Variants in METTL15 observed in about 807,000 individuals in gnomAD.
METTL15 encodes methyltransferase 15, mitochondrial 12S rRNA N4-cytidine.
In METTL15, 34 loss-of-function variants were observed where a neutral mutation model predicts 38.3. The observed-to-expected ratio is 0.89, with a 90% confidence interval of 0.68 to 1.18. METTL15 has a LOEUF of 1.18. METTL15 is among the 50% of genes most tolerant of loss of function. METTL15 has a pLI of 0.00. For synonymous variants in METTL15, 162 were observed against 170.9 expected (o/e 0.95, Z 0.41); for missense variants, 438 against 498.4 (o/e 0.88, Z 1.15).
intron 5 of METTL15, among the ~76,000 whole-genome samples, chr11:28,368,394 C>A (rs1021002941): frequency 6.6e-6 from 1 of 151,762 alleles, no homozygotes; most frequent in Non-Finnish European, 1.5e-5. Context: ...AACAGACATA[C>A]GAAAAAAAGC....
chr11:28,350,539 A>C (rs936558697), intron 3 of METTL15, among the ~76,000 whole-genome samples: 12 of 152,166 alleles, frequency 7.9e-5, no homozygotes, highest in African/African-American at 2.9e-4. Context: ...TATAAACAAA[A>C]TTACTTTGGG....
intron 6 of METTL15, among the ~76,000 whole-genome samples, chr11:28,466,543 G>C (rs1225979394): frequency 6.6e-6 from 1 of 152,160 alleles, no homozygotes. Flanking sequence ...AGTTCTCACA[G>C]TTAAGAAAGG....
intron 6 of METTL15, among the ~76,000 whole-genome samples, chr11:28,466,276 CTG>C (rs1320073463): frequency 1.3e-5 from 2 of 152,196 alleles, no homozygotes; most frequent in African/African-American, 2.4e-5. Context: ...AATTGGAAGA[CTG>C]TTTTTAAAAG....
chr11:28,349,382 C>T (rs779817586), intron 3 of METTL15, among the ~76,000 whole-genome samples: 3 of 152,162 alleles, frequency 2.0e-5, no homozygotes, highest in African/African-American at 4.8e-5. Flanking sequence ...CTACCTTTTC[C>T]GGCCTCACAC....
intron 5 of METTL15, chr11:28,410,836 T>G (rs1442496419): frequency 6.6e-6 from 1 of 152,054 alleles, no homozygotes; most frequent in Non-Finnish European, 1.5e-5. Flanking sequence ...AAAATTGTCT[T>G]TATTTTCAGA....
chr11:28,454,353 A>G lies in METTL15; in HGVS notation c.*424+29989A>G, dbSNP rs1851149837. Among the ~76,000 whole-genome samples, 3 of 152,234 alleles carry G rather than the reference A, an allele frequency of 2.0e-5. No homozygotes were observed. In the South Asian group the frequency reaches 6.2e-4, roughly 31 times the overall value. On this transcript the variant is annotated intron_variant and NMD_transcript_variant, in intron 6 of 7. Transcript: ENST00000532947. ...CCCAACAACATCTCTGACTTATAGA[A>G]AACAATTGCAAAAGTAATTTTCAGC...
chr11:28,395,923 G>T (rs1467645761), intron 5 of METTL15, among the ~76,000 whole-genome samples: 2 of 152,250 alleles, frequency 1.3e-5, no homozygotes, highest in East Asian at 1.9e-4. Context: ...TCATCCCTGG[G>T]ATGCAAGGCT....
At chr11:28,392,835 G>A (rs1243153360) in intron 5 of METTL15, among the ~76,000 whole-genome samples, 4 of 152,012 alleles carry the variant, frequency 2.6e-5, no homozygotes, top group African/African-American at 9.7e-5. Flanking sequence ...ATTAAAAACT[G>A]GGGAAAGTCC....
chr11:28,531,887 A>G (rs1329175460), downstream of METTL15, among the ~76,000 whole-genome samples: 1 of 152,052 alleles, frequency 6.6e-6, no homozygotes, highest in East Asian at 1.9e-4. Flanking sequence ...AGAGCAATCT[A>G]AGTGGTTTTA....
chr11:28,280,665 T>C (rs1856019621), intron 4 of METTL15, among the ~76,000 whole-genome samples: 1 of 125,006 alleles, frequency 8.0e-6, no homozygotes, highest in African/African-American at 3.8e-5. Context: ...ATGTCTCTTA[T>C]GCTTTTTTTT....
At position 28,203,818 on chromosome 11, in the gene METTL15, A is replaced by G. The variant is rs1023078816; in HGVS notation, c.271-7244A>G. Among the ~76,000 whole-genome samples, 128 of 152,080 alleles carry G rather than the reference A, an allele frequency of 8.4e-4. 1 individual carries two copies. The highest frequency in any genetic ancestry group is 5.1e-4 in the Non-Finnish European group (35 of 68,002). On this transcript the variant is annotated intron_variant, in intron 3 of 6. Transcript: ENST00000407364. The stretch of plus-strand genomic sequence containing the variant: ...AGCTTGTTTTCTCATTTCAAATGTA[A>G]AGGAGAGTGATTAGCAAATAAAAAC...
At chr11:28,469,680 G>C (rs963505152) in intron 6 of METTL15, among the ~76,000 whole-genome samples, 2 of 152,030 alleles carry the variant, frequency 1.3e-5, no homozygotes, top group African/African-American at 2.4e-5. Flanking sequence ...TTGCAGAGCT[G>C]TTACAAGAAT....
intron 3 of METTL15, among the ~76,000 whole-genome samples, chr11:28,204,501 G>T (rs547781837): frequency 7.6e-6 from 1 of 131,242 alleles, no homozygotes; most frequent in African/African-American, 2.9e-5. Flanking sequence ...ATTCCCTCAC[G>T]GAGCATTTGT....
In METTL15 at chr11:28,296,813, A is replaced by G. The variant is rs769861552; in HGVS notation, c.660A>G (p.Ala220=). Residue 220 remains alanine (A), a synonymous_variant, in exon 6 of 7, where the codon GCA becomes GCG. Transcript: ENST00000407364. The part of the protein sequence containing the change: ...VVNALDQQAL[A]SILRTYGEEK... ...ATGCTTTAGATCAACAGGCACTTGC[A>G]TCTATCCTAAGAACATACGGGGAGG... 4 of 1,613,424 alleles carry G rather than the reference A, an allele frequency of 2.5e-6. No individual in the cohort carries two copies. Among genetic ancestry groups the G allele is most frequent in the Admixed American group, 1.7e-5 (1 of 59,876 alleles).
chr11:28,312,816 C>T (rs2061143127), intron 6 of METTL15, among the ~76,000 whole-genome samples: 1 of 152,246 alleles, frequency 6.6e-6, no homozygotes, highest in East Asian at 1.9e-4. Flanking sequence ...TTCACTTCCT[C>T]AAAAACTAAC....
At chr11:28,511,604 G>C (rs902156317) in intron 6 of METTL15, among the ~76,000 whole-genome samples, 1 of 152,028 alleles carries the variant, frequency 6.6e-6, no homozygotes, top group Non-Finnish European at 1.5e-5. Context: ...GTGAAGCTGC[G>C]GACCTTCGCG....
chr11:28,504,966 A>T (rs978299306), intron 6 of METTL15, among the ~76,000 whole-genome samples: 2 of 152,174 alleles, frequency 1.3e-5, no homozygotes, highest in African/African-American at 4.8e-5. Flanking sequence ...CTTCACCACC[A>T]GACTAAGCAG....
At chr11:28,347,763 G>C (rs960480202) in intron 3 of METTL15, among the ~76,000 whole-genome samples, 4 of 152,186 alleles carry the variant, frequency 2.6e-5, no homozygotes, top group Non-Finnish European at 5.9e-5. Flanking sequence ...GCTGTCTCCT[G>C]TGCCTAGAAT....
At chr11:28,351,411 G>A (rs139310050) in intron 3 of METTL15, among the ~76,000 whole-genome samples, 5 of 152,030 alleles carry the variant, frequency 3.3e-5, no homozygotes, top group Non-Finnish European at 5.9e-5. Flanking sequence ...CCACTGCACC[G>A]GGCCCAAAGC....
Sources: gnomAD v4.1 joint callset for allele counts (sites outside exome capture counted in the v4.1 genomes callset) on GRCh38, gnomAD v4.1.1 for gene constraint, MANE v1.5 for transcripts, NCBI Gene and HGNC (gene_info 2026-07-23, HGNC 2026-07-21) for gene names.